The following PSMD12 variants were observed in gnomAD, a reference collection of about 807,000 sequenced individuals.
PSMD12 encodes proteasome 26S subunit, non-ATPase 12.
In PSMD12, 8 loss-of-function variants were observed where a neutral mutation model predicts 62.9. That is an observed-to-expected ratio of 0.13 (90% confidence interval 0.07 to 0.23). The LOEUF (loss-of-function observed/expected upper bound fraction) is 0.23, where lower values mean the gene tolerates loss of function less well. Ranked by LOEUF, PSMD12 falls within the 10% of genes least tolerant of loss-of-function variation. The pLI, the probability that PSMD12 is intolerant of heterozygous loss-of-function variation, is 1.00. For missense variants in PSMD12, 424 were observed against 550.2 expected, an observed-to-expected ratio of 0.77 and a Z score of 2.29; for synonymous variants, 173 against 187.4, an observed-to-expected ratio of 0.92 and a Z score of 0.63.
chr17:67,356,008 ACG>A (rs1037348793), intron 3 of PSMD12, among the ~76,000 whole-genome samples: 14 of 120,864 alleles, frequency 1.2e-4, no homozygotes, highest in African/African-American at 2.7e-4. Context: ...ACACACACAC[ACG>A]CACACACACA....
Position 67,353,945 on chromosome 17 carries a change from T to C in PSMD12, c.297+3358A>G, listed in dbSNP as rs202095348. On this transcript the variant is annotated intron_variant, in intron 3 of 10. Coordinates refer to ENST00000356126, the MANE Select transcript of PSMD12 (RefSeq NM_002816.5). The stretch of plus-strand genomic sequence containing the variant: ...TGTCACTTATACATTGCCTAATGTA[T>C]GTGTAGCAATTAAAAAAAATCTTAA... 2.6e-5 allele frequency among the ~76,000 whole-genome samples: 4 copies of C among 152,240 alleles called. No individual in the cohort carries two copies. The East Asian group carries it at 5.8e-4, about 22-fold the overall frequency.
intron 10 of PSMD12, 28 bp downstream of exon 10, chr17:67,342,158 A>G (rs1004747496): frequency 8.8e-6 from 13 of 1,474,058 alleles, no homozygotes; most frequent in Non-Finnish European, 1.1e-5. Flanking sequence ...GAATGCCTAC[A>G]AATAACTCAA....
rs1319308879 is a variant in PSMD12, at chr17:67,344,773, A to G, written c.916T>C (p.Leu306=). 1 of 1,579,626 alleles carries G rather than the reference A, an allele frequency of 6.3e-7. No homozygotes were observed. The highest frequency in any genetic ancestry group is 8.6e-7 in the Non-Finnish European group (1 of 1,159,780). Residue 306 remains leucine, a synonymous_variant, in exon 9 of 11, where the codon TTA becomes CTA. Coordinates refer to ENST00000356126, the MANE Select transcript of PSMD12 (RefSeq NM_002816.5). ...LEEIPKYKDL[L]KLFTTMELMR... ...AACTCCATTGTGGTAAAAAGCTTTA[A>G]AAGATCCCTGAAAATTGTATACATC... is the stretch of plus-strand genomic sequence containing the variant.
rs192403932 is a variant in PSMD12 at position 67,338,564 on chromosome 17, G to C, written c.*2279C>G. On this transcript the variant is annotated 3_prime_UTR_variant, in exon 11 of 11. Transcript: ENST00000356126. ...AGCCTAGTGTGTGTTAAAGAAAGACGAAAGAGGAGTTGGGTGCAGTGGCTC... is the reference window on the plus strand; with the variant it reads ...AGCCTAGTGTGTGTTAAAGAAAGACCAAAGAGGAGTTGGGTGCAGTGGCTC... 1 of 152,196 alleles carries C rather than the reference G, an allele frequency of 6.6e-6. No homozygotes were observed. The highest frequency in any genetic ancestry group is 1.5e-5 in the Non-Finnish European group (1 of 68,058). The allele number at this position is 152,196 out of a possible 1,614,324, so 9.4% of individuals were successfully genotyped here.
intron 9 of PSMD12, among the ~76,000 whole-genome samples, chr17:67,343,013 T>C (rs931533488): frequency 9.2e-5 from 14 of 151,972 alleles, no homozygotes; most frequent in Non-Finnish European, 2.1e-4. Context: ...GACTTAAAGA[T>C]AGCTTCAAAT....
At chr17:67,354,041 G>C (rs1265488534) in intron 3 of PSMD12, among the ~76,000 whole-genome samples, 2 of 152,218 alleles carry the variant, frequency 1.3e-5, no homozygotes, top group African/African-American at 2.4e-5. Context: ...GGTGCCAAGG[G>C]CAAGAACTAT....
intron 4 of PSMD12, among the ~76,000 whole-genome samples, 188 bp from the exon 5 acceptor site, chr17:67,348,842 A>G (rs781304070): frequency 2.6e-5 from 4 of 152,074 alleles, no homozygotes; most frequent in African/African-American, 7.2e-5. Flanking sequence ...CTAAAAATCA[A>G]AACATTAGCT....
At chr17:67,354,341 T>C (rs970023838) in intron 3 of PSMD12, among the ~76,000 whole-genome samples, 2 of 151,904 alleles carry the variant, frequency 1.3e-5, no homozygotes, top group Non-Finnish European at 1.5e-5. Context: ...GCCTATGAGA[T>C]TGAGGCTGCA....
intron 7 of PSMD12, 125 bp downstream of exon 7, chr17:67,346,981 TACTGAACAAC>T: frequency 1.1e-6 from 1 of 946,216 alleles, no homozygotes; most frequent in Non-Finnish European, 1.5e-6. Context: ...ATCAGTAATA[TACTGAACAAC>T]ACTGAATAGA....
intron 3 of PSMD12, among the ~76,000 whole-genome samples, chr17:67,352,099 AT>A (rs964115990): frequency 2.7e-5 from 4 of 148,212 alleles, no homozygotes; most frequent in South Asian, 2.1e-4. Flanking sequence ...AAAAAAAAAA[AT>A]TTTTTTTAAA....
In PSMD12 at chr17:67,338,019, G is replaced by C. The variant is rs980299136; in HGVS notation, c.*2824C>G. ...AAGAGCTGAAAACAATTTAAAATAT[G>C]TACTTTTATCACATTTAACACTTAC... On this transcript the variant is annotated 3_prime_UTR_variant, in exon 11 of 11. Coordinates refer to ENST00000356126, the MANE Select transcript of PSMD12 (RefSeq NM_002816.5). 6.6e-6 allele frequency: 1 copy of C among 152,064 alleles called. No individual in the cohort carries two copies. The highest frequency in any genetic ancestry group is 1.5e-5 in the Non-Finnish European group (1 of 67,998). 9.4% of individuals were successfully genotyped at this position (152,064 alleles called of 1,614,324 possible).
Position 67,345,825 on chromosome 17 carries a change from C to T in PSMD12, c.828G>A (p.Leu276=). 6.2e-7 allele frequency: 1 copy of T among 1,613,760 alleles called. No individual in the cohort carries two copies. The highest frequency in any genetic ancestry group is 8.5e-7 in the Non-Finnish European group (1 of 1,179,754). The change falls in exon 8 of 11, where the codon CTG becomes CTA. Residue 276 remains leucine (L), a synonymous_variant. Coordinates refer to ENST00000356126, the MANE Select transcript of PSMD12 (RefSeq NM_002816.5). The part of the protein sequence containing the change: ...ALKSVVLYVI[L]APFDNEQSDL... ...CTGACTGTTCATTGTCAAAAGGAGC[C>T]AGGATAACATAGAGTACAACACTCT...
rs917168512 is a variant in PSMD12, at chr17:67,340,853, T to C, written c.1361A>G (p.Asn454Ser). 1 of 1,576,086 alleles carries C rather than the reference T, an allele frequency of 6.3e-7. No homozygotes were observed. Among genetic ancestry groups the C allele is most frequent in the African/African-American group, 1.4e-5 (1 of 72,204 alleles). Residue 454 changes from asparagine (N) to serine (S), a missense_variant, in exon 11 of 11, where the codon AAT becomes AGT. Transcript: ENST00000356126. ...AAAGCACTAAGACCCTTATTGTAGA[T>C]TATGTATCATCTCCTCTTTGGCTAT... is the stretch of plus-strand genomic sequence containing the variant. ...HLIAKEEMIH[N>S]LQ
Position 67,347,253 on chromosome 17 carries a change from G to T in PSMD12, c.661-3C>A. On this transcript the variant is annotated splice_polypyrimidine_tract_variant and splice_region_variant and intron_variant, in intron 6 of 10. Transcript: ENST00000356126. Reference sequence around the variant, plus strand: ...TTATAGTACTTCAACTTTAATTTCTGCAAAAAAGTTGACAAAACAAATTGG... The same window carrying T: ...TTATAGTACTTCAACTTTAATTTCTTCAAAAAAGTTGACAAAACAAATTGG... 6.2e-7 allele frequency: 1 copy of T among 1,612,380 alleles called. No homozygotes were observed.
At chr17:67,345,411 G>A (rs1433946184) in intron 8 of PSMD12, among the ~76,000 whole-genome samples, 2 of 152,176 alleles carry the variant, frequency 1.3e-5, no homozygotes, top group Middle Eastern at 3.2e-3. Flanking sequence ...GGTGGCCGAG[G>A]TGGGCGGATC....
intron 7 of PSMD12, among the ~76,000 whole-genome samples, chr17:67,346,228 A>G (rs1165745615): frequency 6.6e-6 from 1 of 152,082 alleles, no homozygotes; most frequent in Non-Finnish European, 1.5e-5. Context: ...CCCTGTCTCT[A>G]CTAAAAAATA....
chr17:67,356,812 A>G (rs1033570893), intron 3 of PSMD12, among the ~76,000 whole-genome samples: 3 of 151,692 alleles, frequency 2.0e-5, no homozygotes, highest in Admixed American at 2.0e-4. Flanking sequence ...GGAGTTTGAG[A>G]CCAGCCTGGG....
At chr17:67,358,025 G>T (rs1019369707) in intron 1 of PSMD12, among the ~76,000 whole-genome samples, 3 of 151,892 alleles carry the variant, frequency 2.0e-5, no homozygotes, top group African/African-American at 7.3e-5. Context: ...GGGTTCTAGC[G>T]ATTCTCATGC....
At chr17:67,361,154 A>G (rs2042124421) in intron 1 of PSMD12, 1 of 152,200 alleles carries the variant, frequency 6.6e-6, no homozygotes, top group Non-Finnish European at 1.5e-5. Flanking sequence ...CTTGTAAATG[A>G]TGTAAGCGAC....
Sources: gnomAD v4.1 joint callset for allele counts (sites outside exome capture counted in the v4.1 genomes callset) on GRCh38, gnomAD v4.1.1 for gene constraint, MANE v1.5 for transcripts, NCBI Gene and HGNC (gene_info 2026-07-23, HGNC 2026-07-21) for gene names.